The following ZBED3 variants were observed in gnomAD, a reference collection of about 807,000 sequenced individuals.
ZBED3 encodes zinc finger BED domain-containing protein 3.
For missense variants in ZBED3, 388 were observed against 362.9 expected (o/e 1.07, Z -0.56); for synonymous variants, 175 against 180.0 (o/e 0.97, Z 0.22).
chr5:77,074,031 C>T lies in ZBED3; in HGVS notation c.*3143G>A, dbSNP rs533016400. 5.9e-5 allele frequency: 9 copies of T among 152,192 alleles called. No homozygotes were observed. The highest frequency in any genetic ancestry group is 2.1e-4 in the South Asian group (1 of 4,818). The allele number at this position is 152,192 out of a possible 1,614,324, so 9.4% of individuals were successfully genotyped here. A position where few individuals can be genotyped will look rare whatever the true frequency, so the allele number is the denominator to read the frequency against. Reference sequence around the variant, plus strand: ...AACATGTGTGGGATGTTTTTTGTATCGAGACTGAAGAGGCTTTTTAAAGTG... The same window carrying T: ...AACATGTGTGGGATGTTTTTTGTATTGAGACTGAAGAGGCTTTTTAAAGTG... On this transcript the variant is annotated 3_prime_UTR_variant, in exon 3 of 3. Transcript: ENST00000255198.
chr5:77,084,438 C>A (rs765662266), intron 1 of ZBED3, among the ~76,000 whole-genome samples: 1 of 152,292 alleles, frequency 6.6e-6, no homozygotes, highest in Admixed American at 6.5e-5. Flanking sequence ...TAGCTCATGC[C>A]GCAGCCAGGT....
At chr5:77,086,651 G>T (rs1219556793) in intron 1 of ZBED3, 1 of 151,218 alleles carries the variant, frequency 6.6e-6, no homozygotes, top group South Asian at 2.1e-4. Flanking sequence ...GAGGGGTGGG[G>T]GAGGGGTGGG....
At chr5:77,082,181 G>A (rs1392043281) in intron 1 of ZBED3, among the ~76,000 whole-genome samples, 2 of 151,724 alleles carry the variant, frequency 1.3e-5, no homozygotes, top group Admixed American at 6.6e-5. Context: ...GCAGGAGAAT[G>A]GCTTGATCCT....
In ZBED3 at chr5:77,077,218, C is replaced by A. The variant is rs370739839; in HGVS notation, c.661G>T (p.Glu221Ter). The change falls in exon 3 of 3, where the codon GAG (glutamate) becomes TAG (stop). Residue 221 changes from glutamate (E) to a stop codon, truncating the protein, a stop_gained. Transcript: ENST00000255198. LOFTEE classifies it high-confidence loss of function. ...AAPPPLKDDP[E>*]GDRDGCVITK... is the part of the protein sequence containing the mutation. ...ATGACGCAGCCGTCCCTGTCACCCT[C>A]GGGGTCGTCCTTGAGCGGCGGCGGC... is the stretch of plus-strand genomic sequence containing the variant. The A allele has an allele frequency of 1.3e-6, 2 of 1,499,314 alleles. No individual in the cohort carries two copies. Among genetic ancestry groups the A allele is most frequent in the East Asian group, 2.8e-5 (1 of 35,872 alleles). The allele number at this position is 1,499,314 out of a possible 1,614,324, so 92.9% of individuals were successfully genotyped here.
At chr5:77,086,349 G>A (rs550462878) in intron 1 of ZBED3, among the ~76,000 whole-genome samples, 1 of 151,602 alleles carries the variant, frequency 6.6e-6, no homozygotes, top group African/African-American at 2.4e-5. Flanking sequence ...ATTCTTGGCT[G>A]CCTCAAGCTA....
intron 1 of ZBED3, among the ~76,000 whole-genome samples, chr5:77,084,860 A>G (rs769860375): frequency 9.2e-5 from 14 of 152,262 alleles, no homozygotes; most frequent in Non-Finnish European, 1.9e-4. Context: ...GAGGCTTCCA[A>G]GCTCCTATTT....
rs1236674504 is a variant in ZBED3 at position 77,073,418 on chromosome 5, G to A, written c.*3756C>T. On this transcript the variant is annotated 3_prime_UTR_variant, in exon 3 of 3. Coordinates refer to ENST00000255198, the MANE Select transcript of ZBED3 (RefSeq NM_032367.4). ...ATGAAGAAGTTAAGTTCCAATACTTGAAAATAACTTAGAGTAATATAAAAA... is the reference window on the plus strand; with the variant it reads ...ATGAAGAAGTTAAGTTCCAATACTTAAAAATAACTTAGAGTAATATAAAAA... 3 of 151,888 alleles carry A rather than the reference G, an allele frequency of 2.0e-5. No individual in the cohort carries two copies. The highest frequency in any genetic ancestry group is 4.4e-5 in the Non-Finnish European group (3 of 67,976). 9.4% of individuals were successfully genotyped at this position (151,888 alleles called of 1,614,324 possible). A position where few individuals can be genotyped will look rare whatever the true frequency, so the allele number is the denominator to read the frequency against.
intron 1 of ZBED3, among the ~76,000 whole-genome samples, chr5:77,082,967 C>T (rs1743160390): frequency 6.6e-6 from 1 of 152,130 alleles, no homozygotes; most frequent in Non-Finnish European, 1.5e-5. Context: ...GAAACCCCGT[C>T]TCTACTAAAA....
intron 1 of ZBED3, chr5:77,086,842 T>A (rs183824300): frequency 6.6e-6 from 1 of 152,446 alleles, no homozygotes; most frequent in Admixed American, 6.5e-5. Flanking sequence ...AATTTCCACA[T>A]TCCGAACAAG....
chr5:77,077,350 C>A lies in ZBED3; in HGVS notation c.529G>T (p.Ala177Ser). ...RRRALQEEER[A>S]AAQARRELQA... ...AGTTCCCGGCGCGCCTGGGCCGCGG[C>A]GCGCTCTTCCTCCTGCAGCGCCCTC... Residue 177 changes from alanine (A) to serine (S), a missense_variant, in exon 3 of 3, where the codon GCC becomes TCC. Transcript: ENST00000255198. 2 of 1,252,986 alleles carry A rather than the reference C, an allele frequency of 1.6e-6. No individual in the cohort carries two copies. Among genetic ancestry groups the A allele is most frequent in the Non-Finnish European group, 2.0e-6 (2 of 1,003,742 alleles). 77.6% of individuals were successfully genotyped at this position (1,252,986 alleles called of 1,614,324 possible). A position where few individuals can be genotyped will look rare whatever the true frequency, so the allele number is the denominator to read the frequency against.
chr5:77,085,277 G>A (rs1328391164), intron 1 of ZBED3, among the ~76,000 whole-genome samples: 1 of 152,124 alleles, frequency 6.6e-6, no homozygotes, highest in East Asian at 1.9e-4. Context: ...GTATAAACAT[G>A]GGCATATACA....
chr5:77,077,826 T>C lies in ZBED3; in HGVS notation c.53A>G (p.Asp18Gly). The change falls in exon 3 of 3, where the codon GAC (aspartate) becomes GGC (glycine). Residue 18 changes from aspartate (D) to glycine (G), a missense_variant. Asp to Gly is a moderately conservative substitution (Grantham distance 94). Transcript: ENST00000255198. ...ACACTGACCGCCCCGCGCCGCCGCG[T>C]CGTCCAGCCCGCGGGCCTGGTCCAT... is the stretch of plus-strand genomic sequence containing the variant. Reference protein sequence around the residue: ...CTMDQARGLDDAAARGGQCPG... With the variant: ...CTMDQARGLDGAAARGGQCPG... 2 of 1,294,970 alleles carry C rather than the reference T, an allele frequency of 1.5e-6. No individual in the cohort carries two copies. Among genetic ancestry groups the C allele is most frequent in the Middle Eastern group, 5.9e-4 (2 of 3,398 alleles). The allele number at this position is 1,294,970 out of a possible 1,614,324, so 80.2% of individuals were successfully genotyped here. A position where few individuals can be genotyped will look rare whatever the true frequency, so the allele number is the denominator to read the frequency against.
rs1742948217 is a variant in ZBED3 at position 77,074,977 on chromosome 5, T to C, written c.*2197A>G. 2 of 152,120 alleles carry C rather than the reference T, an allele frequency of 1.3e-5. No homozygotes were observed. Among genetic ancestry groups the C allele is most frequent in the African/African-American group, 4.8e-5 (2 of 41,398 alleles). 9.4% of individuals were successfully genotyped at this position (152,120 alleles called of 1,614,324 possible). A position where few individuals can be genotyped will look rare whatever the true frequency, so the allele number is the denominator to read the frequency against. On this transcript the variant is annotated 3_prime_UTR_variant, in exon 3 of 3. Transcript: ENST00000255198. ...TACATTGTTAGTGCCCAGTAAATGTTAGTTATCAGGTGAGGGGTGGGATGT... is the reference window on the plus strand; with the variant it reads ...TACATTGTTAGTGCCCAGTAAATGTCAGTTATCAGGTGAGGGGTGGGATGT...
chr5:77,087,000 C>CA (rs2150743933), intron 1 of ZBED3, 111 bp downstream of exon 1: 1 of 152,370 alleles, frequency 6.6e-6, no homozygotes, highest in Admixed American at 6.5e-5. Context: ...AGGGCACGCC[C>CA]CGCGCGGGTG....
Position 77,077,704 on chromosome 5 carries a change from G to A in ZBED3, c.175C>T (p.Pro59Ser). 1 of 1,346,270 alleles carries A rather than the reference G, an allele frequency of 7.4e-7. No homozygotes were observed. Among genetic ancestry groups the A allele is most frequent in the Non-Finnish European group, 9.5e-7 (1 of 1,053,956 alleles). 83.4% of individuals were successfully genotyped at this position (1,346,270 alleles called of 1,614,324 possible). A position where few individuals can be genotyped will look rare whatever the true frequency, so the allele number is the denominator to read the frequency against. Reference sequence around the variant, plus strand: ...GCCCAGTGGCCCGACGGATGCCCGGGGCGCCCCGGCGCCAGGTGGAAGTAG... The same window carrying A: ...GCCCAGTGGCCCGACGGATGCCCGGAGCGCCCCGGCGCCAGGTGGAAGTAG... ...WGYFHLAPGR[P>S]GHPSGHWATC... Residue 59 changes from proline to serine, a missense_variant, in exon 3 of 3, where the codon CCC (proline) becomes TCC (serine). Pro to Ser is a moderately conservative substitution (Grantham distance 74). Coordinates refer to ENST00000255198, the MANE Select transcript of ZBED3 (RefSeq NM_032367.4).
In ZBED3 at chr5:77,075,318, A is replaced by G. The variant is rs2150739232; in HGVS notation, c.*1856T>C. Reference sequence around the variant, plus strand: ...TTGGGGTTGTTGTAGACTGAAAGTGACTAGAGTTGAAACCAAAAGAATGTA... The same window carrying G: ...TTGGGGTTGTTGTAGACTGAAAGTGGCTAGAGTTGAAACCAAAAGAATGTA... On this transcript the variant is annotated 3_prime_UTR_variant, in exon 3 of 3. Transcript: ENST00000255198. The G allele has an allele frequency of 6.6e-6, 1 of 152,346 alleles. No homozygotes were observed. The highest frequency in any genetic ancestry group is 1.9e-4 in the East Asian group (1 of 5,186). 9.4% of individuals were successfully genotyped at this position (152,346 alleles called of 1,614,324 possible).
Position 77,073,690 on chromosome 5 carries a change from C to CAATTTT in ZBED3, c.*3483_*3484insAAAATT, listed in dbSNP as rs1742923860. On this transcript the variant is annotated 3_prime_UTR_variant, in exon 3 of 3. Transcript: ENST00000255198. ...ACAGCTTAAAAAATTACTACTATTT[C>CAATTTT]CTTTTATTTGTTGTTGTGAATTTTA... 1 of 151,816 alleles carries CAATTTT rather than the reference C, an allele frequency of 6.6e-6. No individual in the cohort carries two copies. The highest frequency in any genetic ancestry group is 1.5e-5 in the Non-Finnish European group (1 of 67,848). The allele number at this position is 151,816 out of a possible 1,614,324, so 9.4% of individuals were successfully genotyped here. A position where few individuals can be genotyped will look rare whatever the true frequency, so the allele number is the denominator to read the frequency against.
chr5:77,084,477 G>A (rs753059100), intron 1 of ZBED3, among the ~76,000 whole-genome samples: 4 of 152,108 alleles, frequency 2.6e-5, no homozygotes, highest in Non-Finnish European at 5.9e-5. Context: ...TCCGCCTTCC[G>A]CCATGACTGT....
At position 77,074,673 on chromosome 5, in the gene ZBED3, A is replaced by G. The variant is rs1003326438; in HGVS notation, c.*2501T>C. On this transcript the variant is annotated 3_prime_UTR_variant, in exon 3 of 3. Coordinates refer to ENST00000255198, the MANE Select transcript of ZBED3 (RefSeq NM_032367.4). ...ATTCCAGTCAATTCCATTAACTGGA[A>G]TTAATTAGTTGGAGTTAGGAAGGAA... The G allele has an allele frequency of 2.6e-5, 4 of 152,160 alleles. No individual in the cohort carries two copies. The highest frequency in any genetic ancestry group is 5.9e-5 in the Non-Finnish European group (4 of 68,050). The allele number at this position is 152,160 out of a possible 1,614,324, so 9.4% of individuals were successfully genotyped here.
Sources: gnomAD v4.1 joint callset for allele counts (sites outside exome capture counted in the v4.1 genomes callset) on GRCh38, gnomAD v4.1.1 for gene constraint, MANE v1.5 for transcripts, NCBI Gene and HGNC (gene_info 2026-07-23, HGNC 2026-07-21) for gene names.